The following PDE12 variants were observed in gnomAD, a reference collection of about 807,000 sequenced individuals.
The protein encoded by PDE12 is phosphodiesterase 12.
In PDE12, 26 loss-of-function variants were observed where a neutral mutation model predicts 45.4. The ratio of observed to expected loss-of-function variants is 0.57; its 90% CI spans 0.42 to 0.79. PDE12 has a LOEUF of 0.79. PDE12 is among the 30% of genes least tolerant of loss of function. The pLI is 0.00. For synonymous variants in PDE12, 283 were observed against 323.9 expected, an observed-to-expected ratio of 0.87 and a Z score of 1.36; for missense variants, 668 against 790.0, an observed-to-expected ratio of 0.85 and a Z score of 1.85.
At chr3:57,608,346 C>T in the PDE12 span, among the ~76,000 whole-genome samples, 4 of 152,096 alleles carry the variant, frequency 2.6e-5, no homozygotes, top group Non-Finnish European at 5.9e-5. Context: ...GCAAAATAAC[C>T]AGCTAACATC....
the PDE12 span, chr3:57,628,274 G>A: frequency 5.6e-6 from 9 of 1,613,952 alleles, no homozygotes; most frequent in Admixed American, 1.7e-5. Flanking sequence ...CTAAGATAAT[G>A]GCATCTATGT....
Position 57,561,146 on chromosome 3 carries a change from C to G in PDE12, c.*1142C>G. On this transcript the variant is annotated 3_prime_UTR_variant, in exon 3 of 3. Transcript: ENST00000311180. ...CTTGATCCCATTGTCTTCAGTTACT[C>G]TTGCCCATGAAAAATGTTCATAAAT... is the stretch of plus-strand genomic sequence containing the variant. The G allele has an allele frequency of 4.1e-6, 4 of 985,196 alleles. No individual in the cohort carries two copies. The highest frequency in any genetic ancestry group is 3.6e-6 in the Non-Finnish European group (3 of 829,364). 61.0% of individuals were successfully genotyped at this position (985,196 alleles called of 1,614,324 possible). A position where few individuals can be genotyped will look rare whatever the true frequency, so the allele number is the denominator to read the frequency against.
chr3:57,649,651 T>C, the PDE12 span, among the ~76,000 whole-genome samples: 1 of 149,698 alleles, frequency 6.7e-6, no homozygotes, highest in Non-Finnish European at 1.5e-5. Context: ...AATATATATA[T>C]ATATAGTTGT....
chr3:57,569,185 T>G (rs913643164), downstream of PDE12, among the ~76,000 whole-genome samples: 5 of 152,166 alleles, frequency 3.3e-5, no homozygotes, highest in Non-Finnish European at 7.3e-5. Flanking sequence ...GACAGTGATT[T>G]TATGTTTGCA....
At chr3:57,648,565 A>G in the PDE12 span, among the ~76,000 whole-genome samples, 1 of 152,290 alleles carries the variant, frequency 6.6e-6, no homozygotes, top group African/African-American at 2.4e-5. Flanking sequence ...CTAAAGTAAG[A>G]CTAAGCAAAA....
chr3:57,605,113 A>G, the PDE12 span, among the ~76,000 whole-genome samples: 1 of 152,178 alleles, frequency 6.6e-6, no homozygotes, highest in African/African-American at 2.4e-5. Flanking sequence ...AGAAGGCACA[A>G]ATGCAGGGAG....
the PDE12 span, among the ~76,000 whole-genome samples, chr3:57,595,490 A>C: frequency 6.6e-6 from 1 of 152,252 alleles, no homozygotes; most frequent in African/African-American, 2.4e-5. Context: ...AGAAACTTTG[A>C]AAGAAAAAAT....
the PDE12 span, chr3:57,583,794 A>C: frequency 2.5e-6 from 2 of 801,864 alleles, no homozygotes; most frequent in Admixed American, 5.4e-5. Flanking sequence ...ACAAATGCCA[A>C]CTCATAGTAA....
At chr3:57,630,867 A>G in the PDE12 span, 3 of 1,610,538 alleles carry the variant, frequency 1.9e-6, no homozygotes, top group African/African-American at 2.7e-5. Context: ...AGGAGTGGAT[A>G]TGTTCACAGA....
chr3:57,557,021 G>A lies in PDE12; in HGVS notation c.642G>A (p.Ser214=), dbSNP rs146922820. 3.7e-6 allele frequency: 6 copies of A among 1,613,976 alleles called. No homozygotes were observed. The highest frequency in any genetic ancestry group is 5.1e-6 in the Non-Finnish European group (6 of 1,180,028). ...CGGAGCCCGAGGTCGGTGTCCCCTC[G>A]TCATTGTCTCCCTCCTCACCTTCTT... ...GAAEPEVGVP[S]SLSPSSPSSS... Residue 214 remains serine (S), a synonymous_variant, in exon 1 of 3, where the codon TCG becomes TCA. Transcript: ENST00000311180.
the PDE12 span, chr3:57,641,501 TATTTTAGTGGGAA>T: frequency 0.031 from 14,489 of 469,608 alleles, 240 homozygotes; most frequent in Non-Finnish European, 0.039. Context: ...AGAGCCTGCA[TATTTTAGTGGGAA>T]ATTAGCAGGA....
chr3:57,655,702 C>G, the PDE12 span, among the ~76,000 whole-genome samples: 2 of 152,078 alleles, frequency 1.3e-5, no homozygotes, highest in African/African-American at 4.8e-5. Context: ...TAAACTTGGG[C>G]CCATCCCCAA....
downstream of PDE12, among the ~76,000 whole-genome samples, chr3:57,567,172 C>T (rs527349967): frequency 4.6e-5 from 7 of 152,058 alleles, no homozygotes; most frequent in South Asian, 2.1e-4. Context: ...ATTAGCTGGC[C>T]GTGGTGGTAC....
the PDE12 span, chr3:57,633,199 G>A: frequency 1.1e-5 from 15 of 1,340,334 alleles, no homozygotes; most frequent in African/African-American, 2.9e-5. Context: ...TTTGGAGGGC[G>A]GGAAAAACAT....
chr3:57,645,495 G>T, the PDE12 span, among the ~76,000 whole-genome samples: 1 of 151,842 alleles, frequency 6.6e-6, no homozygotes, highest in Non-Finnish European at 1.5e-5. Flanking sequence ...ACATAAAATC[G>T]CTCAAATAAG....
chr3:57,566,930 A>G (rs185213020), downstream of PDE12: 3 of 152,326 alleles, frequency 2.0e-5, no homozygotes, highest in African/African-American at 7.2e-5. Flanking sequence ...CCAGCCTAAA[A>G]AAAAGAAACA....
chr3:57,574,863 T>C, the PDE12 span, among the ~76,000 whole-genome samples: 2 of 145,506 alleles, frequency 1.4e-5, no homozygotes, highest in Non-Finnish European at 3.0e-5. Context: ...CCACTTTTTT[T>C]TTGAGACCGA....
the PDE12 span, chr3:57,646,259 G>A: frequency 6.4e-7 from 1 of 1,566,628 alleles, no homozygotes; most frequent in South Asian, 1.2e-5. Context: ...TCACCAACAG[G>A]TTAAGTACTG....
chr3:57,610,692 C>G, the PDE12 span, among the ~76,000 whole-genome samples: 4 of 152,086 alleles, frequency 2.6e-5, no homozygotes, highest in African/African-American at 9.7e-5. Context: ...TGTGAGGGAC[C>G]TCTTCAAAGA....
Sources: gnomAD v4.1 joint callset for allele counts (sites outside exome capture counted in the v4.1 genomes callset) on GRCh38, gnomAD v4.1.1 for gene constraint, MANE v1.5 for transcripts, NCBI Gene and HGNC (gene_info 2026-07-23, HGNC 2026-07-21) for gene names.